Variants in WDR19 observed in about 807,000 individuals in gnomAD.
The protein encoded by WDR19 is WD repeat-containing protein 19.
Under a neutral mutation model 180.0 loss-of-function variants are expected in WDR19, and 121 were observed. The observed-to-expected ratio is 0.67, with a 90% CI of 0.58 to 0.78. WDR19 has a LOEUF of 0.78. Ranked by LOEUF, WDR19 falls within the 30% of genes least tolerant of loss-of-function variation. The pLI is 0.00. For synonymous variants in WDR19, 497 were observed against 540.7 expected (o/e 0.92, Z 1.12); for missense variants, 1,450 against 1,640.7 (o/e 0.88, Z 2.01).
At position 39,199,571 on chromosome 4, in the gene WDR19, A is replaced by G. The variant is rs1167555051; in HGVS notation, c.500A>G (p.Gln167Arg). ...GEDKMITVSN[Q>R]EGDTIRQTQV... The stretch of plus-strand genomic sequence containing the variant: ...GATAAAATGATTACAGTTAGTAATC[A>G]GGAAGGTGACACGATAAGACAGGTA... The change falls in exon 6 of 37, where the codon CAG (glutamine) becomes CGG (arginine). Residue 167 changes from glutamine to arginine, a missense_variant. Transcript: ENST00000399820. 2 of 1,613,492 alleles carry G rather than the reference A, an allele frequency of 1.2e-6. No homozygotes were observed. Among genetic ancestry groups the G allele is most frequent in the Non-Finnish European group, 8.5e-7 (1 of 1,179,670 alleles).
rs1737139086 is a variant in WDR19 at position 39,285,739 on chromosome 4, A to AG, written c.*266_*267insG. 6.6e-6 allele frequency: 1 copy of AG among 152,224 alleles called. No individual in the cohort carries two copies. The highest frequency in any genetic ancestry group is 1.5e-5 in the Non-Finnish European group (1 of 68,036). 9.4% of individuals were successfully genotyped at this position (152,224 alleles called of 1,614,324 possible). A position where few individuals can be genotyped will look rare whatever the true frequency, so the allele number is the denominator to read the frequency against. ...TGCACTGTTAATAGTAACCTATGAC[A>AG]TAATTGTAAATATTCAGCTTTTTGC... On this transcript the variant is annotated 3_prime_UTR_variant, in exon 37 of 37. Coordinates refer to ENST00000399820, the MANE Select transcript of WDR19 (RefSeq NM_025132.4).
At chr4:39,226,697 G>C (rs1428975713) in intron 15 of WDR19, among the ~76,000 whole-genome samples, 1 of 152,130 alleles carries the variant, frequency 6.6e-6, no homozygotes, top group Non-Finnish European at 1.5e-5. Context: ...GTCTTCTAGA[G>C]TATAAGGTTA....
At chr4:39,247,686 C>T (rs1325590503) in intron 24 of WDR19, among the ~76,000 whole-genome samples, 1 of 152,156 alleles carries the variant, frequency 6.6e-6, no homozygotes, top group Non-Finnish European at 1.5e-5. Flanking sequence ...AAAACCATGG[C>T]ACAAGAATTA....
chr4:39,257,647 A>G, intron 28 of WDR19, 93 bp downstream of exon 28: 1 of 1,177,180 alleles, frequency 8.5e-7, no homozygotes, highest in Non-Finnish European at 1.2e-6. Context: ...TAGACCAAAC[A>G]GTATTACAAA....
intron 25 of WDR19, 94 bp downstream of exon 25, chr4:39,253,386 A>G: frequency 7.4e-7 from 1 of 1,356,470 alleles, no homozygotes; most frequent in South Asian, 1.4e-5. Context: ...TTCAAAAGGA[A>G]TATTTAGTCT....
chr4:39,250,114 G>A (rs957239737), intron 24 of WDR19, among the ~76,000 whole-genome samples: 10 of 151,892 alleles, frequency 6.6e-5, no homozygotes, highest in South Asian at 4.2e-4. Context: ...CTGGCAAACC[G>A]AATCCAGCAA....
At chr4:39,278,694 G>A (rs1736158770) in intron 36 of WDR19, 31 bp downstream of exon 36, 2 of 1,419,440 alleles carry the variant, frequency 1.4e-6, no homozygotes, top group African/African-American at 1.4e-5. Flanking sequence ...GCACCTTCTG[G>A]GCGCAAGGGC....
At chr4:39,210,546 G>T (rs1441175852) in intron 9 of WDR19, among the ~76,000 whole-genome samples, 1 of 152,062 alleles carries the variant, frequency 6.6e-6, no homozygotes, top group Non-Finnish European at 1.5e-5. Flanking sequence ...ATGGCGGCAT[G>T]TGCCTGTATT....
chr4:39,205,804 TG>T, intron 9 of WDR19, 68 bp downstream of exon 9: 1 of 1,344,372 alleles, frequency 7.4e-7, no homozygotes, highest in Admixed American at 2.5e-5. Flanking sequence ...AGCCAAACTT[TG>T]TTAGCTAATA....
chr4:39,188,263 AG>A (rs1433453701), intron 3 of WDR19, among the ~76,000 whole-genome samples: 1 of 152,152 alleles, frequency 6.6e-6, no homozygotes, highest in Non-Finnish European at 1.5e-5. Flanking sequence ...AGAAAAGAAA[AG>A]GTAAATATTT....
At chr4:39,204,036 T>G (rs943840956) in intron 7 of WDR19, among the ~76,000 whole-genome samples, 2 of 152,084 alleles carry the variant, frequency 1.3e-5, no homozygotes, top group African/African-American at 4.8e-5. Flanking sequence ...AAATTTTTAC[T>G]CTATGAGATG....
intron 28 of WDR19, among the ~76,000 whole-genome samples, chr4:39,263,712 G>A (rs1325368618): frequency 2.6e-5 from 4 of 152,068 alleles, no homozygotes; most frequent in African/African-American, 9.7e-5. Context: ...ATCACCTGAG[G>A]TCAGAAGTTC....
Position 39,186,622 on chromosome 4 carries a change from T to C in WDR19, c.164+18T>C, listed in dbSNP as rs1254578822. On this transcript the variant is annotated intron_variant, in intron 3 of 36. Coordinates refer to ENST00000399820, the MANE Select transcript of WDR19 (RefSeq NM_025132.4). ...TTACCTGGGTAAGTACAGAAGTAGA[T>C]TTAAAAAAACCTGTCAAGTTTTGTT... The C allele has an allele frequency of 4.0e-6, 6 of 1,518,874 alleles. No individual in the cohort carries two copies. Among genetic ancestry groups the C allele is most frequent in the Non-Finnish European group, 5.3e-6 (6 of 1,134,708 alleles). 94.1% of individuals were successfully genotyped at this position (1,518,874 alleles called of 1,614,324 possible).
chr4:39,187,903 C>T (rs947563828), intron 3 of WDR19, among the ~76,000 whole-genome samples: 4 of 152,120 alleles, frequency 2.6e-5, no homozygotes, highest in African/African-American at 9.7e-5. Context: ...ATGATTTTGT[C>T]AATAATTTGA....
At chr4:39,254,087 T>G (rs1428292260) in intron 26 of WDR19, 57 bp downstream of exon 26, 7 of 1,541,546 alleles carry the variant, frequency 4.5e-6, no homozygotes, top group Non-Finnish European at 5.3e-6. Context: ...AAACACTTTG[T>G]CTCTTATGAT....
intron 29 of WDR19, among the ~76,000 whole-genome samples, chr4:39,266,753 C>T (rs901242515): frequency 6.6e-6 from 1 of 152,172 alleles, no homozygotes; most frequent in Non-Finnish European, 1.5e-5. Context: ...TAACAAAAAT[C>T]AGATTAAGCA....
intron 7 of WDR19, among the ~76,000 whole-genome samples, chr4:39,204,904 A>G (rs1727787739): frequency 6.6e-6 from 1 of 152,198 alleles, no homozygotes; most frequent in South Asian, 2.1e-4. Context: ...AGAAAATTTA[A>G]ATGGACACTC....
intron 2 of WDR19, 139 bp downstream of exon 2, chr4:39,185,956 C>T: frequency 5.9e-5 from 41 of 689,912 alleles, no homozygotes; most frequent in South Asian, 9.9e-5. Flanking sequence ...AGTGCAGTGG[C>T]ACGATCTCAG....
At chr4:39,216,476 C>G (rs1004753784) in intron 12 of WDR19, among the ~76,000 whole-genome samples, 3 of 152,178 alleles carry the variant, frequency 2.0e-5, no homozygotes, top group Non-Finnish European at 4.4e-5. Flanking sequence ...TTAATTTCCC[C>G]TTCTGCCTCT....
Sources: allele counts gnomAD v4.1 joint callset (sites outside exome capture counted in the v4.1 genomes callset), GRCh38; gene constraint gnomAD v4.1.1; transcripts MANE v1.5; gene names NCBI Gene and HGNC (gene_info 2026-07-23, HGNC 2026-07-21).